Variants in SYT3 observed in about 807,000 individuals in gnomAD.
SYT3 encodes the protein synaptotagmin 3.
A neutral mutation model predicts 50.6 loss-of-function variants in SYT3; 25 were observed. The observed-to-expected ratio is 0.49, with a 90% CI of 0.36 to 0.69. The LOEUF (loss-of-function observed/expected upper bound fraction) is 0.69, where lower values mean the gene tolerates loss of function less well. Among genes scored for constraint, SYT3 ranks in the 30% least tolerant of loss-of-function variants. SYT3 has a pLI of 0.00. For synonymous variants in SYT3, 323 were observed against 353.9 expected (o/e 0.91, Z 0.98); for missense variants, 589 against 793.6 (o/e 0.74, Z 3.10).
upstream of SYT3, among the ~76,000 whole-genome samples, chr19:50,641,826 G>C (rs909430380): frequency 2.0e-5 from 3 of 152,018 alleles, no homozygotes; most frequent in African/African-American, 7.3e-5. Context: ...CTCCAGCCTG[G>C]GCGACAGAGT....
At chr19:50,641,874 A>G (rs1253109809), upstream of SYT3, among the ~76,000 whole-genome samples, 1 of 152,180 alleles carries the variant, frequency 6.6e-6, no homozygotes, top group East Asian at 1.9e-4. Flanking sequence ...ATATGAATAA[A>G]TAAATAAATA....
intron 3 of SYT3, among the ~76,000 whole-genome samples, chr19:50,633,545 G>A (rs1984394184): frequency 6.6e-6 from 1 of 152,148 alleles, no homozygotes; most frequent in Non-Finnish European, 1.5e-5. Flanking sequence ...GGCAGGGCAG[G>A]GTTTAAATCA....
upstream of SYT3, among the ~76,000 whole-genome samples, chr19:50,643,622 A>G (rs1984714000): frequency 6.6e-6 from 1 of 152,086 alleles, no homozygotes; most frequent in South Asian, 2.1e-4. Flanking sequence ...GAGCCAGGAG[A>G]CAGAGATAGA....
chr19:50,632,919 G>A lies in SYT3; in HGVS notation c.149-108C>T, dbSNP rs1984371030. The stretch of plus-strand genomic sequence containing the variant: ...TCATATTTGCCATGCAATTGTCCAT[G>A]CAATTGCAAGTGCCAGGCACTTTAC... On this transcript the variant is annotated intron_variant, in intron 3 of 10. Transcript: ENST00000600079. The surrounding 1 kb of genome is among the most constrained non-coding windows in gnomAD (Gnocchi z 4.7). 2 of 873,582 alleles carry A rather than the reference G, an allele frequency of 2.3e-6. No individual in the cohort carries two copies. The highest frequency in any genetic ancestry group is 3.3e-6 in the Non-Finnish European group (2 of 612,976). 54.1% of individuals were successfully genotyped at this position (873,582 alleles called of 1,614,324 possible). A position where few individuals can be genotyped will look rare whatever the true frequency, so the allele number is the denominator to read the frequency against.
At chr19:50,631,070 A>G (rs1235584849) in intron 4 of SYT3, among the ~76,000 whole-genome samples, 2 of 151,882 alleles carry the variant, frequency 1.3e-5, no homozygotes, top group Non-Finnish European at 2.9e-5. Flanking sequence ...TGCCCTCAGG[A>G]CAAAGTCCCA....
At position 50,637,313 on chromosome 19, in the gene SYT3, G is replaced by C; in HGVS notation, c.99C>G (p.Cys33Trp). ...RVRDADTNDR[C>W]QEFNDRIRGY... ...CTCGGATTCGGTCATTGAACTCCTGGCACCTGTCGTTGGTGTCAGCATCTC... is the reference window on the plus strand; with the variant it reads ...CTCGGATTCGGTCATTGAACTCCTGCCACCTGTCGTTGGTGTCAGCATCTC... Residue 33 changes from cysteine to tryptophan, a missense_variant, in exon 3 of 11, where the codon TGC (cysteine) becomes TGG (tryptophan). By Grantham distance (215) the Cys-to-Trp change is radical (BLOSUM62 -2). Transcript: ENST00000600079. This position sits in a 1 kb window ranked among gnomAD's most constrained non-coding sequence, Gnocchi z 4.9. 1 of 1,613,546 alleles carries C rather than the reference G, an allele frequency of 6.2e-7. No homozygotes were observed. The highest frequency in any genetic ancestry group is 8.5e-7 in the Non-Finnish European group (1 of 1,179,956).
At position 50,637,709 on chromosome 19, in the gene SYT3, G is replaced by T; in HGVS notation, c.-15-283C>A. ...AGGGACTGGGTAAGTCAAGGGGACA[G>T]AGATGGGCATGAGTGGAGTAGAGGA... is the stretch of plus-strand genomic sequence containing the variant. On this transcript the variant is annotated intron_variant, in intron 2 of 10. Transcript: ENST00000600079. The surrounding 1 kb of genome is among the most constrained non-coding windows in gnomAD (Gnocchi z 4.9). 3.0e-6 allele frequency: 1 copy of T among 335,696 alleles called. No homozygotes were observed. 20.8% of individuals were successfully genotyped at this position (335,696 alleles called of 1,614,324 possible).
upstream of SYT3, among the ~76,000 whole-genome samples, chr19:50,644,367 G>A (rs1416869037): frequency 6.6e-6 from 1 of 152,058 alleles, no homozygotes; most frequent in East Asian, 1.9e-4. Context: ...TGGATGGTTG[G>A]GTGCATACAT....
the SYT3 span, among the ~76,000 whole-genome samples, chr19:50,646,172 C>T: frequency 2.6e-5 from 4 of 152,066 alleles, no homozygotes; most frequent in Admixed American, 1.3e-4. Flanking sequence ...TGCCTGGCTC[C>T]GATTTGGGGG....
chr19:50,638,870 G>A (rs1232128341), intron 2 of SYT3, among the ~76,000 whole-genome samples, 155 bp downstream of exon 2: 1 of 152,074 alleles, frequency 6.6e-6, no homozygotes, highest in East Asian at 1.9e-4. Context: ...GGGGAGAGGG[G>A]GAATTAGTGA....
intron 6 of SYT3, 112 bp from the exon 7 acceptor site, chr19:50,626,129 G>A: frequency 6.9e-7 from 1 of 1,453,722 alleles, no homozygotes; most frequent in Non-Finnish European, 9.2e-7. Context: ...CAGGGCTCAG[G>A]CTTCCCATCC....
the SYT3 span, among the ~76,000 whole-genome samples, chr19:50,653,318 C>A: frequency 6.6e-6 from 1 of 152,054 alleles, no homozygotes; most frequent in African/African-American, 2.4e-5. Flanking sequence ...GGATTACAGG[C>A]GTGAGCTACT....
chr19:50,650,678 AAAAC>A, the SYT3 span, among the ~76,000 whole-genome samples: 117 of 152,298 alleles, frequency 7.7e-4, no homozygotes, highest in African/African-American at 2.6e-3. Context: ...CTCAAAAAAC[AAAAC>A]AAACAAACAA....
upstream of SYT3, among the ~76,000 whole-genome samples, chr19:50,643,616 C>T (rs971475624): frequency 1.3e-5 from 2 of 152,112 alleles, no homozygotes; most frequent in African/African-American, 4.8e-5. Context: ...GACAGGGAGC[C>T]AGGAGACAGA....
chr19:50,637,355 G>T lies in SYT3; in HGVS notation c.57C>A (p.Asp19Glu). ...LCRRALILVS[D>E]LCARVRDADT... is the part of the protein sequence containing the mutation. ...CAGCATCTCGGACCCGCGCACAGAG[G>T]TCCGAGACCAGGATGAGTGCCCGCC... is the stretch of plus-strand genomic sequence containing the variant. The change falls in exon 3 of 11, where the codon GAC becomes GAA. Residue 19 changes from aspartate to glutamate, a missense_variant. Transcript: ENST00000600079. This position sits in a 1 kb window ranked among gnomAD's most constrained non-coding sequence, Gnocchi z 4.9. 1 of 1,611,910 alleles carries T rather than the reference G, an allele frequency of 6.2e-7. No individual in the cohort carries two copies. The highest frequency in any genetic ancestry group is 1.1e-5 in the South Asian group (1 of 91,058).
At chr19:50,654,101 C>T in the SYT3 span, among the ~76,000 whole-genome samples, 5 of 151,914 alleles carry the variant, frequency 3.3e-5, no homozygotes, top group African/African-American at 7.2e-5. Flanking sequence ...GTTGGTGTTA[C>T]GGGAAATGTT....
At chr19:50,649,090 A>G in the SYT3 span, among the ~76,000 whole-genome samples, 1 of 109,720 alleles carries the variant, frequency 9.1e-6, no homozygotes, top group African/African-American at 3.6e-5. Context: ...CAAGCAAAAG[A>G]GTGGTGGAGA....
the SYT3 span, among the ~76,000 whole-genome samples, chr19:50,655,316 T>G: frequency 4.2e-4 from 64 of 152,144 alleles, no homozygotes; most frequent in East Asian, 0.011. Flanking sequence ...CTGTTATCTG[T>G]GAAGTTCCAA....
At chr19:50,643,686 G>A (rs1984715415), upstream of SYT3, among the ~76,000 whole-genome samples, 1 of 151,502 alleles carries the variant, frequency 6.6e-6, no homozygotes, top group Non-Finnish European at 1.5e-5. Flanking sequence ...AATACTTTCT[G>A]AGCACCTAAT....
Sources: allele counts gnomAD v4.1 joint callset (sites outside exome capture counted in the v4.1 genomes callset), GRCh38; gene constraint gnomAD v4.1.1; non-coding constraint Gnocchi (gnomAD v3.1); transcripts MANE v1.5; gene names NCBI Gene and HGNC (gene_info 2026-07-23, HGNC 2026-07-21).